ALCAM: variants seen among roughly 807,000 people sequenced by gnomAD.
ALCAM encodes the protein CD166 antigen.
ALCAM carries 30 observed loss-of-function variants against 70.9 expected under a neutral mutation model. The ratio of observed to expected loss-of-function variants is 0.42; its 90% CI spans 0.32 to 0.57. ALCAM has a LOEUF of 0.57. Among genes scored for constraint, ALCAM ranks in the 20% least tolerant of loss-of-function variants. The pLI is 0.11. For missense variants in ALCAM, 591 were observed against 695.1 expected (o/e 0.85, Z 1.68); for synonymous variants, 249 against 242.5 (o/e 1.03, Z -0.25).
At chr3:105,367,791 G>T (rs1480992748) in intron 1 of ALCAM, among the ~76,000 whole-genome samples, 3 of 152,184 alleles carry the variant, frequency 2.0e-5, no homozygotes, top group Admixed American at 2.0e-4. Context: ...CTAGGCGGCG[G>T]ACTCTTGCCC....
chr3:105,502,110 A>C (rs1226706826), intron 1 of ALCAM, among the ~76,000 whole-genome samples: 1 of 152,234 alleles, frequency 6.6e-6, no homozygotes, highest in Non-Finnish European at 1.5e-5. Flanking sequence ...TAGAAATTCC[A>C]ACTGAAAATT....
chr3:105,371,985 GAACT>G (rs1935248233), intron 1 of ALCAM, among the ~76,000 whole-genome samples: 1 of 152,136 alleles, frequency 6.6e-6, no homozygotes, highest in Non-Finnish European at 1.5e-5. Context: ...TATGAAGAAT[GAACT>G]AACTTACTGG....
chr3:105,465,882 G>A (rs984389691), intron 1 of ALCAM, among the ~76,000 whole-genome samples: 1 of 151,254 alleles, frequency 6.6e-6, no homozygotes, highest in Non-Finnish European at 1.5e-5. Flanking sequence ...GAGGTAAATA[G>A]ATTCTGACTT....
chr3:105,517,381 C>T (rs961210587), intron 1 of ALCAM, among the ~76,000 whole-genome samples: 1 of 152,126 alleles, frequency 6.6e-6, no homozygotes, highest in African/African-American at 2.4e-5. Context: ...ACCTACTGCC[C>T]TCTGTCTAGT....
At chr3:105,428,321 TTTTC>T (rs1414563011) in intron 1 of ALCAM, among the ~76,000 whole-genome samples, 3 of 151,932 alleles carry the variant, frequency 2.0e-5, no homozygotes, top group Non-Finnish European at 4.4e-5. Context: ...ACATCAACAA[TTTTC>T]TTTCTATCTT....
At chr3:105,383,858 C>T (rs898626446) in intron 1 of ALCAM, among the ~76,000 whole-genome samples, 21 of 151,718 alleles carry the variant, frequency 1.4e-4, no homozygotes, top group African/African-American at 2.4e-4. Flanking sequence ...TAATTGTAGA[C>T]ATACATTCAA....
intron 1 of ALCAM, among the ~76,000 whole-genome samples, chr3:105,397,790 C>T (rs531497733): frequency 3.9e-5 from 6 of 151,984 alleles, no homozygotes; most frequent in Non-Finnish European, 7.4e-5. Flanking sequence ...AAAAATTGAA[C>T]TTCTGTTTGA....
At chr3:105,428,346 T>G (rs531422503) in intron 1 of ALCAM, among the ~76,000 whole-genome samples, 5 of 152,112 alleles carry the variant, frequency 3.3e-5, no homozygotes, top group African/African-American at 9.6e-5. Flanking sequence ...TCAACTTTAA[T>G]TTTCACCCTT....
intron 1 of ALCAM, among the ~76,000 whole-genome samples, chr3:105,406,062 A>G (rs1936221139): frequency 6.6e-6 from 1 of 152,326 alleles, no homozygotes; most frequent in Non-Finnish European, 1.5e-5. Flanking sequence ...CTATATGTCT[A>G]TGTGTAAGTG....
Position 105,524,326 on chromosome 3 carries a change from G to A in ALCAM, c.212G>A (p.Arg71Lys), listed in dbSNP as rs758659906. 1 of 1,614,098 alleles carries A rather than the reference G, an allele frequency of 6.2e-7. No individual in the cohort carries two copies. Among genetic ancestry groups the A allele is most frequent in the Non-Finnish European group, 8.5e-7 (1 of 1,179,988 alleles). Residue 71 changes from arginine to lysine, a missense_variant, in exon 3 of 16, where the codon AGA becomes AAA. Around this residue, in one of 2 missense-constraint regions of ALCAM, gnomAD observed 427 missense variants for 450.4 expected, o/e 0.95. Transcript: ENST00000306107. Reference protein sequence around the residue: ...PDGSPVFIAFRSSTKKSVQYD... With the variant: ...PDGSPVFIAFKSSTKKSVQYD... ...GGCTCCCCAGTATTTATTGCCTTCA[G>A]ATCCTCTACAAAGAAAAGTGTGCAG... is the stretch of plus-strand genomic sequence containing the variant.
chr3:105,539,091 A>G (rs368679924), intron 6 of ALCAM, among the ~76,000 whole-genome samples: 11 of 152,176 alleles, frequency 7.2e-5, no homozygotes, highest in Non-Finnish European at 1.3e-4. Context: ...ACATGCCTCA[A>G]TAATTATTAA....
intron 1 of ALCAM, among the ~76,000 whole-genome samples, chr3:105,497,681 T>C (rs1283733685): frequency 3.3e-5 from 5 of 152,156 alleles, no homozygotes; most frequent in Non-Finnish European, 7.3e-5. Flanking sequence ...TTAGAAGATA[T>C]AGTCACTGAA....
chr3:105,464,054 A>T (rs1450040748), intron 1 of ALCAM, among the ~76,000 whole-genome samples: 2 of 151,396 alleles, frequency 1.3e-5, no homozygotes. Flanking sequence ...CTCTCAAAGA[A>T]CCAATCTGTC....
intron 1 of ALCAM, among the ~76,000 whole-genome samples, chr3:105,376,045 G>C (rs1439288902): frequency 1.3e-5 from 2 of 152,092 alleles, no homozygotes; most frequent in African/African-American, 4.8e-5. Context: ...ACTCTCTCCA[G>C]AGTTAAATTA....
At chr3:105,413,388 T>G (rs1020110) in intron 1 of ALCAM, among the ~76,000 whole-genome samples, 24,279 of 152,150 alleles carry the variant, frequency 0.16, 2,213 homozygotes, top group East Asian at 0.38. Flanking sequence ...TCTGTATACA[T>G]TTTCTTGTAA....
At chr3:105,455,739 C>G (rs1405965035) in intron 1 of ALCAM, among the ~76,000 whole-genome samples, 1 of 152,194 alleles carries the variant, frequency 6.6e-6, no homozygotes, top group Admixed American at 6.5e-5. Context: ...GGCAATAACC[C>G]GATGACCCAG....
At chr3:105,525,000 A>G in intron 3 of ALCAM, 1 of 933,396 alleles carries the variant, frequency 1.1e-6, no homozygotes, top group Non-Finnish European at 1.3e-6. Flanking sequence ...ATTTATATAT[A>G]TCCACATATA....
At chr3:105,484,669 G>A (rs1938372283) in intron 1 of ALCAM, among the ~76,000 whole-genome samples, 1 of 151,988 alleles carries the variant, frequency 6.6e-6, no homozygotes, top group Non-Finnish European at 1.5e-5. Context: ...GTAATACGAG[G>A]GTCAGGCCAA....
At chr3:105,541,940 A>G (rs1940127578) in intron 8 of ALCAM, among the ~76,000 whole-genome samples, 175 bp downstream of exon 8, 1 of 151,960 alleles carries the variant, frequency 6.6e-6, no homozygotes, top group African/African-American at 2.4e-5. Context: ...TTTGTACTGC[A>G]ATATTGAAAC....
Sources: gnomAD v4.1 joint callset for allele counts (sites outside exome capture counted in the v4.1 genomes callset) on GRCh38, gnomAD v4.1.1 for gene constraint, gnomAD v4.1.1 regional missense constraint, MANE v1.5 for transcripts, NCBI Gene and HGNC (gene_info 2026-07-23, HGNC 2026-07-21) for gene names.